AP4E1: variants seen among roughly 807,000 people sequenced by gnomAD.
AP4E1 encodes the protein AP-4 complex subunit epsilon-1.
In AP4E1, 56 loss-of-function variants were observed where a neutral mutation model predicts 128.2. The observed-to-expected ratio is 0.44, with a 90% confidence interval of 0.35 to 0.55. The LOEUF (loss-of-function observed/expected upper bound fraction) is 0.55. Among genes scored for constraint, AP4E1 ranks in the 20% least tolerant of loss-of-function variants. AP4E1 has a pLI of 0.00. For synonymous variants in AP4E1, 484 were observed against 473.1 expected, an observed-to-expected ratio of 1.02 and a Z score of -0.30; for missense variants, 1,324 against 1,307.7, an observed-to-expected ratio of 1.01 and a Z score of -0.19.
chr15:50,948,829 G>T (rs938342792), intron 11 of AP4E1, among the ~76,000 whole-genome samples: 1 of 151,934 alleles, frequency 6.6e-6, no homozygotes, highest in African/African-American at 2.4e-5. Context: ...AAAATTAGCC[G>T]GGCATGGTGG....
intron 8 of AP4E1, among the ~76,000 whole-genome samples, chr15:50,939,150 A>T (rs2063949053): frequency 6.6e-6 from 1 of 152,184 alleles, no homozygotes; most frequent in Non-Finnish European, 1.5e-5. Context: ...AGAGTAACCA[A>T]GTTCCATGTT....
chr15:51,000,140 T>TC (rs1239201679), intron 19 of AP4E1, among the ~76,000 whole-genome samples: 1 of 84,898 alleles, frequency 1.2e-5, no homozygotes, highest in Admixed American at 1.7e-4. Flanking sequence ...TTTTGTTCAT[T>TC]CTTTTTTTTT....
intron 18 of AP4E1, among the ~76,000 whole-genome samples, chr15:50,998,467 TA>T (rs1302758065): frequency 2.0e-5 from 3 of 151,994 alleles, no homozygotes; most frequent in Non-Finnish European, 4.4e-5. Context: ...CTGTCTCTAC[TA>T]AAAATACAAA....
chr15:50,965,943 A>T (rs573660913), intron 14 of AP4E1, among the ~76,000 whole-genome samples: 20 of 151,472 alleles, frequency 1.3e-4, no homozygotes, highest in African/African-American at 4.8e-4. Flanking sequence ...TTTGAGACGG[A>T]GTCTCGCTCT....
intron 16 of AP4E1, among the ~76,000 whole-genome samples, chr15:50,988,905 G>A (rs2064766959): frequency 1.3e-5 from 2 of 152,128 alleles, no homozygotes; most frequent in South Asian, 4.1e-4. Context: ...CTTATTTGGA[G>A]CCGAATTTCA....
chr15:51,002,072 G>A (rs1293292329), intron 20 of AP4E1, among the ~76,000 whole-genome samples: 1 of 152,006 alleles, frequency 6.6e-6, no homozygotes, highest in Non-Finnish European at 1.5e-5. Flanking sequence ...GTAGAGATGG[G>A]GTTTCACCAT....
At chr15:50,963,310 T>G (rs971427691) in intron 14 of AP4E1, among the ~76,000 whole-genome samples, 4 of 152,176 alleles carry the variant, frequency 2.6e-5, no homozygotes, top group Non-Finnish European at 5.9e-5. Context: ...TTCACTGCAG[T>G]ACTATTCACA....
chr15:50,917,244 A>G (rs1371413867), intron 3 of AP4E1, among the ~76,000 whole-genome samples: 1 of 152,218 alleles, frequency 6.6e-6, no homozygotes, highest in Non-Finnish European at 1.5e-5. Context: ...TTTCGTTTCT[A>G]AGGAAAAATG....
intron 2 of AP4E1, among the ~76,000 whole-genome samples, chr15:50,914,938 A>T (rs1239615962): frequency 6.6e-6 from 1 of 152,234 alleles, no homozygotes; most frequent in African/African-American, 2.4e-5. Flanking sequence ...AAAGCAAACT[A>T]TTCCATATTG....
intron 16 of AP4E1, among the ~76,000 whole-genome samples, chr15:50,985,296 A>G (rs1374822044): frequency 1.3e-5 from 2 of 152,172 alleles, no homozygotes; most frequent in Non-Finnish European, 2.9e-5. Context: ...TTTGCTGTGC[A>G]GAAGCTCTTT....
chr15:50,933,362 A>G (rs1228483444), intron 7 of AP4E1, among the ~76,000 whole-genome samples: 2 of 152,180 alleles, frequency 1.3e-5, no homozygotes, highest in Non-Finnish European at 1.5e-5. Context: ...GAAAAAACCA[A>G]TTTACTGGAA....
chr15:50,926,226 C>T lies in AP4E1; in HGVS notation c.542+1007C>T, dbSNP rs1419821145. Among the ~76,000 whole-genome samples, 3 of 151,854 alleles carry T rather than the reference C, an allele frequency of 2.0e-5. No individual in the cohort carries two copies. The East Asian group carries it at 5.8e-4, about 30-fold the overall frequency. ...GATCTCGGCTCACTGCACGCTCCAC[C>T]TCCCAGGTTTAAGCAGTTCTCTGCC... On this transcript the variant is annotated intron_variant, in intron 5 of 20. Transcript: ENST00000261842.
chr15:50,914,766 A>G (rs2063608485), intron 2 of AP4E1, among the ~76,000 whole-genome samples: 1 of 151,926 alleles, frequency 6.6e-6, no homozygotes, highest in Middle Eastern at 3.2e-3. Flanking sequence ...CAAATATCTT[A>G]GTGATAAAAC....
At chr15:50,915,707 C>G in intron 3 of AP4E1, 136 bp downstream of exon 3, 2 of 1,113,490 alleles carry the variant, frequency 1.8e-6, no homozygotes, top group Non-Finnish European at 2.6e-6. Context: ...TAAAAGATCA[C>G]ACTTCAGAAA....
chr15:50,986,847 C>G, intron 16 of AP4E1, among the ~76,000 whole-genome samples: 1 of 152,174 alleles, frequency 6.6e-6, no homozygotes. Context: ...AGGATTCCCT[C>G]TTTTTCTATT....
Position 50,987,317 on chromosome 15 carries a change from A to G in AP4E1, c.2090+3172A>G, listed in dbSNP as rs562407640. Among the ~76,000 whole-genome samples the G allele has an allele frequency of 5.3e-5, 8 of 151,970 alleles. 1 individual carries two copies. In the South Asian group the frequency reaches 1.7e-3, roughly 32 times the overall value. ...CTCTATTTCCTTCAGCTCTGCTCTG[A>G]TCTTAGTTATTTCTTGCCTTCTGCC... On this transcript the variant is annotated intron_variant, in intron 16 of 20. Transcript: ENST00000261842.
At chr15:50,927,563 A>G (rs1025884622) in intron 5 of AP4E1, among the ~76,000 whole-genome samples, 1 of 151,206 alleles carries the variant, frequency 6.6e-6, no homozygotes, top group Non-Finnish European at 1.5e-5. Flanking sequence ...CTCCCCCAGA[A>G]TTAATATCAG....
intron 3 of AP4E1, among the ~76,000 whole-genome samples, chr15:50,917,071 T>C (rs77678710): frequency 0.047 from 7,121 of 152,322 alleles, 171 homozygotes; most frequent in African/African-American, 0.072. Flanking sequence ...TTTTCATATG[T>C]TAAAGTCTTT....
chr15:50,908,538 G>C, upstream of AP4E1: 1 of 446,612 alleles, frequency 2.2e-6, no homozygotes, highest in Non-Finnish European at 3.8e-6. Context: ...TCGCGAGAAA[G>C]GAGGTCTACT....
Sources: gnomAD v4.1 joint callset for allele counts (sites outside exome capture counted in the v4.1 genomes callset) on GRCh38, gnomAD v4.1.1 for gene constraint, MANE v1.5 for transcripts, NCBI Gene and HGNC (gene_info 2026-07-23, HGNC 2026-07-21) for gene names.